Variants in RORA observed in about 807,000 individuals in gnomAD.
RORA encodes nuclear receptor ROR-alpha.
A neutral mutation model predicts 69.5 loss-of-function variants in RORA; 7 were observed. The observed-to-expected ratio is 0.10, with a 90% CI of 0.06 to 0.19. RORA has a LOEUF of 0.19. RORA is among the 10% of genes least tolerant of loss of function. The probability of loss-of-function intolerance (pLI) is 1.00; values close to 1 mark genes in which losing one functional copy is unlikely to be tolerated. For synonymous variants in RORA, 261 were observed against 240.8 expected (o/e 1.08, Z -0.78); for missense variants, 457 against 663.0 (o/e 0.69, Z 3.41).
intron 1 of RORA, among the ~76,000 whole-genome samples, chr15:60,974,081 T>C (rs1893806142): frequency 6.6e-6 from 1 of 152,184 alleles, no homozygotes; most frequent in Non-Finnish European, 1.5e-5. Context: ...CGGGGGTAAA[T>C]GAGCAGATGA....
chr15:60,845,963 T>A (rs1238771222), intron 1 of RORA, among the ~76,000 whole-genome samples: 1 of 152,182 alleles, frequency 6.6e-6, no homozygotes, highest in African/African-American at 2.4e-5. Flanking sequence ...GCCAGGATGG[T>A]CTCAATCTCC....
At chr15:60,721,537 T>A (rs376914919) in intron 1 of RORA, among the ~76,000 whole-genome samples, 12 of 152,264 alleles carry the variant, frequency 7.9e-5, no homozygotes, top group African/African-American at 2.9e-4. Context: ...CTATGTGGAA[T>A]TCACAGTATG....
chr15:60,578,181 G>A (rs1567100681), intron 2 of RORA, among the ~76,000 whole-genome samples: 1 of 152,074 alleles, frequency 6.6e-6, no homozygotes, highest in Non-Finnish European at 1.5e-5. Flanking sequence ...CACTTTGAGT[G>A]GATCATTTAC....
At chr15:61,157,154 G>A (rs1404199581) in intron 1 of RORA, among the ~76,000 whole-genome samples, 1 of 152,118 alleles carries the variant, frequency 6.6e-6, no homozygotes, top group Non-Finnish European at 1.5e-5. Flanking sequence ...GATGAAAAAA[G>A]AATGACCAAA....
chr15:60,947,325 G>A (rs1011084861), intron 1 of RORA, among the ~76,000 whole-genome samples: 2 of 152,230 alleles, frequency 1.3e-5, no homozygotes, highest in Non-Finnish European at 2.9e-5. Context: ...AGACATAGGA[G>A]ACTCCATTTT....
intron 1 of RORA, among the ~76,000 whole-genome samples, chr15:61,089,073 G>A (rs1362949890): frequency 6.6e-6 from 1 of 152,182 alleles, no homozygotes; most frequent in Non-Finnish European, 1.5e-5. Flanking sequence ...ACCCCCTGAA[G>A]TAACACAAAA....
chr15:60,558,784 T>C (rs545063087), intron 2 of RORA, among the ~76,000 whole-genome samples: 1 of 152,348 alleles, frequency 6.6e-6, no homozygotes, highest in South Asian at 2.1e-4. Flanking sequence ...TTGTGTTCTG[T>C]TGCCTCTTAA....
chr15:60,948,810 C>T (rs980739726), intron 1 of RORA, among the ~76,000 whole-genome samples: 3 of 152,106 alleles, frequency 2.0e-5, no homozygotes, highest in African/African-American at 7.2e-5. Flanking sequence ...GACACAAACC[C>T]ATTAAAGAAC....
intron 1 of RORA, among the ~76,000 whole-genome samples, chr15:60,830,523 T>C (rs1456889703): frequency 1.3e-5 from 2 of 152,242 alleles, no homozygotes; most frequent in African/African-American, 4.8e-5. Flanking sequence ...CTAAGGCAGA[T>C]TTATTGTCCT....
At chr15:60,526,600 C>T (rs993231522) in intron 3 of RORA, among the ~76,000 whole-genome samples, 6 of 152,236 alleles carry the variant, frequency 3.9e-5, no homozygotes, top group Admixed American at 3.9e-4. Flanking sequence ...TTTTCGCTTA[C>T]TGCCTGTGTA....
chr15:60,540,005 A>G (rs538252338), intron 2 of RORA, among the ~76,000 whole-genome samples: 2 of 152,300 alleles, frequency 1.3e-5, no homozygotes, highest in South Asian at 4.1e-4. Flanking sequence ...ATGTCATTTC[A>G]TATCAGCAGG....
intron 1 of RORA, among the ~76,000 whole-genome samples, chr15:60,717,650 C>T (rs1168855923): frequency 6.6e-6 from 1 of 152,030 alleles, no homozygotes; most frequent in Non-Finnish European, 1.5e-5. Context: ...TTTTACTGAG[C>T]CCCTATTATG....
chr15:60,809,012 G>A (rs1198632138), intron 1 of RORA, among the ~76,000 whole-genome samples: 1 of 152,080 alleles, frequency 6.6e-6, no homozygotes, highest in African/African-American at 2.4e-5. Context: ...GGACTTTGGA[G>A]ACTCAGAGGA....
chr15:60,516,151 ATATATATATTT>A (rs1478154898), intron 3 of RORA, among the ~76,000 whole-genome samples: 877 of 39,722 alleles, frequency 0.022, 170 homozygotes, highest in East Asian at 0.11. Flanking sequence ...ATATATTTAT[ATATATATATTT>A]ATATATATAT....
chr15:60,517,263 A>T (rs557348253), intron 3 of RORA, among the ~76,000 whole-genome samples: 51 of 151,972 alleles, frequency 3.4e-4, no homozygotes, highest in Non-Finnish European at 6.0e-4. Flanking sequence ...GGAAAATCCA[A>T]CCTGGGATGG....
At chr15:61,028,871 C>A (rs72754755) in intron 1 of RORA, among the ~76,000 whole-genome samples, 6 of 152,236 alleles carry the variant, frequency 3.9e-5, no homozygotes, top group Non-Finnish European at 7.4e-5. Context: ...GGGAAAGATG[C>A]CACAGTATTG....
At position 60,494,490 on chromosome 15, in the gene RORA, C is replaced by T. The variant is rs913894024; in HGVS notation, c.*2965G>A. 1 of 152,292 alleles carries T rather than the reference C, an allele frequency of 6.6e-6. No individual in the cohort carries two copies. The allele number at this position is 152,292 out of a possible 1,614,324, so 9.4% of individuals were successfully genotyped here. Reference sequence around the variant, plus strand: ...TAAGGATAATTGTTCTGATATCACCCAAGTATTTTATGTCATCACATAGGT... The same window carrying T: ...TAAGGATAATTGTTCTGATATCACCTAAGTATTTTATGTCATCACATAGGT... On this transcript the variant is annotated 3_prime_UTR_variant, in exon 11 of 11. Transcript: ENST00000335670.
intron 1 of RORA, among the ~76,000 whole-genome samples, chr15:60,880,249 T>A (rs1264861590): frequency 6.6e-6 from 1 of 152,248 alleles, no homozygotes; most frequent in East Asian, 1.9e-4. Flanking sequence ...CTGGCATTGG[T>A]TTGGCATCCA....
intron 1 of RORA, among the ~76,000 whole-genome samples, chr15:60,880,836 G>A (rs1420770153): frequency 6.6e-6 from 1 of 152,146 alleles, no homozygotes; most frequent in African/African-American, 2.4e-5. Context: ...TCTGACCTGA[G>A]AAAGCCAGAA....
Sources: allele counts gnomAD v4.1 joint callset (sites outside exome capture counted in the v4.1 genomes callset), GRCh38; gene constraint gnomAD v4.1.1; transcripts MANE v1.5; gene names NCBI Gene and HGNC (gene_info 2026-07-23, HGNC 2026-07-21).